SLC17A8: variants seen among roughly 807,000 people sequenced by gnomAD.
The protein encoded by SLC17A8 is solute carrier family 17 member 8.
In SLC17A8, 31 loss-of-function variants were observed where a neutral mutation model predicts 58.0. That is an observed-to-expected ratio of 0.53 (90% CI 0.40 to 0.72). The LOEUF (loss-of-function observed/expected upper bound fraction) is 0.72. Ranked by LOEUF, SLC17A8 falls within the 30% of genes least tolerant of loss-of-function variation. The pLI, the probability that SLC17A8 is intolerant of heterozygous loss-of-function variation, is 0.00. For synonymous variants in SLC17A8, 228 were observed against 249.0 expected, an observed-to-expected ratio of 0.92 and a Z score of 0.79; for missense variants, 655 against 727.8, an observed-to-expected ratio of 0.90 and a Z score of 1.15.
At position 100,420,582 on chromosome 12, in the gene SLC17A8, C is replaced by T. The variant is rs528559373; in HGVS notation, c.*423C>T. ...GGCTTCATATTCCCAATAAACCCCA[C>T]GTTGTGGCAGGTGCTTTATAAACAC... On this transcript the variant is annotated 3_prime_UTR_variant, in exon 12 of 12. Transcript: ENST00000323346. 1.7e-5 allele frequency: 3 copies of T among 176,872 alleles called. No individual in the cohort carries two copies. Among genetic ancestry groups the T allele is most frequent in the South Asian group, 1.3e-4 (1 of 7,764 alleles). The allele number at this position is 176,872 out of a possible 1,614,324, so 11.0% of individuals were successfully genotyped here.
chr12:100,360,643 A>G (rs1273042044), intron 1 of SLC17A8, among the ~76,000 whole-genome samples: 3 of 152,236 alleles, frequency 2.0e-5, no homozygotes, highest in Admixed American at 1.3e-4. Context: ...GAGGTTAAGT[A>G]GCTTGCCCAA....
intron 1 of SLC17A8, among the ~76,000 whole-genome samples, chr12:100,369,899 A>G (rs1299640582): frequency 6.6e-6 from 1 of 152,222 alleles, no homozygotes; most frequent in African/African-American, 2.4e-5. Flanking sequence ...GTGCAAGTAT[A>G]ACGTTAAATG....
chr12:100,414,469 A>G (rs940962417), intron 10 of SLC17A8, among the ~76,000 whole-genome samples: 2 of 152,228 alleles, frequency 1.3e-5, no homozygotes, highest in Non-Finnish European at 2.9e-5. Context: ...AAAATTTGCT[A>G]AATTATGAAA....
At chr12:100,386,981 G>C (rs1348109581) in intron 2 of SLC17A8, among the ~76,000 whole-genome samples, 1 of 152,168 alleles carries the variant, frequency 6.6e-6, no homozygotes, top group Non-Finnish European at 1.5e-5. Flanking sequence ...GAGCCACTGC[G>C]CCCAGCCACA....
intron 5 of SLC17A8, among the ~76,000 whole-genome samples, chr12:100,398,560 C>T (rs1041343588): frequency 3.3e-5 from 5 of 152,302 alleles, no homozygotes; most frequent in African/African-American, 1.2e-4. Context: ...GGACACAGGC[C>T]TCATTACATG....
At chr12:100,367,749 C>T (rs1326940956) in intron 1 of SLC17A8, among the ~76,000 whole-genome samples, 3 of 152,014 alleles carry the variant, frequency 2.0e-5, no homozygotes, top group Non-Finnish European at 4.4e-5. Flanking sequence ...ACGAAGGTCT[C>T]GCTATGTTGC....
At chr12:100,374,742 C>G (rs547104609) in intron 1 of SLC17A8, among the ~76,000 whole-genome samples, 2 of 152,312 alleles carry the variant, frequency 1.3e-5, no homozygotes, top group South Asian at 2.1e-4. Context: ...ACAAACAACT[C>G]AGGAGGTCCT....
At chr12:100,377,458 G>T (rs1952601945) in intron 1 of SLC17A8, among the ~76,000 whole-genome samples, 1 of 151,412 alleles carries the variant, frequency 6.6e-6, no homozygotes, top group African/African-American at 2.4e-5. Flanking sequence ...TAAGTAATTA[G>T]GCTAAAGTCA....
chr12:100,401,090 C>T (rs770771109), intron 5 of SLC17A8, among the ~76,000 whole-genome samples: 95 of 150,074 alleles, frequency 6.3e-4, no homozygotes, highest in Non-Finnish European at 1.2e-3. Context: ...CTCCGCCTCA[C>T]GGGTTCAAGC....
At position 100,387,808 on chromosome 12, in the gene SLC17A8, C is replaced by T. The variant is rs141884729; in HGVS notation, c.355-3193C>T. The stretch of plus-strand genomic sequence containing the variant: ...AGTTGTATGACCTTGGACAAGTAAA[C>T]TAATCTCTCTAAGCCTTAGTTTCCT... On this transcript the variant is annotated intron_variant, in intron 2 of 11. Transcript: ENST00000323346. Among the ~76,000 whole-genome samples, 201 of 152,320 alleles carry T rather than the reference C, an allele frequency of 1.3e-3. No homozygotes were observed. In the East Asian group the frequency reaches 0.016, roughly 12 times the overall value.
intron 10 of SLC17A8, among the ~76,000 whole-genome samples, chr12:100,417,049 G>A (rs1952911123): frequency 6.6e-6 from 1 of 152,192 alleles, no homozygotes; most frequent in Non-Finnish European, 1.5e-5. Context: ...GGGATTACAG[G>A]CATGTGCCAC....
chr12:100,419,861 A>G lies in SLC17A8; in HGVS notation c.1472A>G (p.His491Arg). Reference protein sequence around the residue: ...QNVFLIAALVHYSGVIFYGVF... With the variant: ...QNVFLIAALVRYSGVIFYGVF... Reference sequence around the variant, plus strand: ...GTGTTCCTCATAGCTGCCCTGGTGCATTACAGTGGTGTGATCTTCTATGGG... The same window carrying G: ...GTGTTCCTCATAGCTGCCCTGGTGCGTTACAGTGGTGTGATCTTCTATGGG... The change falls in exon 12 of 12, where the codon CAT becomes CGT. Residue 491 changes from histidine to arginine, a missense_variant. His to Arg is a conservative substitution (Grantham distance 29). Transcript: ENST00000323346. 1.2e-6 allele frequency: 2 copies of G among 1,614,066 alleles called. No individual in the cohort carries two copies. Among genetic ancestry groups the G allele is most frequent in the African/African-American group, 1.3e-5 (1 of 75,054 alleles).
At chr12:100,373,609 G>C (rs1952574068) in intron 1 of SLC17A8, among the ~76,000 whole-genome samples, 1 of 123,082 alleles carries the variant, frequency 8.1e-6, no homozygotes, top group South Asian at 2.7e-4. Flanking sequence ...TTCCGAGACA[G>C]AGTCTCGCTC....
At chr12:100,411,114 G>A (rs1334087516) in intron 9 of SLC17A8, among the ~76,000 whole-genome samples, 1 of 152,210 alleles carries the variant, frequency 6.6e-6, no homozygotes, top group African/African-American at 2.4e-5. Flanking sequence ...GGAGAAGAAA[G>A]CACGTGGTGG....
intron 11 of SLC17A8, among the ~76,000 whole-genome samples, 170 bp downstream of exon 11, chr12:100,418,326 G>A (rs1010630762): frequency 1.3e-5 from 2 of 151,096 alleles, no homozygotes; most frequent in African/African-American, 4.9e-5. Flanking sequence ...TCAAATCATT[G>A]CTTATCAATG....
intron 5 of SLC17A8, among the ~76,000 whole-genome samples, chr12:100,398,188 G>T (rs1263557377): frequency 1.3e-5 from 2 of 152,082 alleles, no homozygotes; most frequent in Admixed American, 6.6e-5. Context: ...GGTATTCACC[G>T]CTATGCCTAC....
intron 5 of SLC17A8, among the ~76,000 whole-genome samples, chr12:100,400,591 T>G (rs1330916664): frequency 6.6e-6 from 1 of 152,140 alleles, no homozygotes; most frequent in Non-Finnish European, 1.5e-5. Flanking sequence ...TTAATCTATT[T>G]CTCTGGAAGA....
chr12:100,371,489 G>A (rs1388240512), intron 1 of SLC17A8, among the ~76,000 whole-genome samples: 2 of 152,206 alleles, frequency 1.3e-5, no homozygotes, highest in Non-Finnish European at 2.9e-5. Context: ...GCAAATCTCA[G>A]TTGTGTTCTC....
Position 100,415,064 on chromosome 12 carries a change from G to A in SLC17A8, c.1297+2184G>A, listed in dbSNP as rs140733474. Among the ~76,000 whole-genome samples, 5 of 152,302 alleles carry A rather than the reference G, an allele frequency of 3.3e-5. No homozygotes were observed. In the East Asian group the frequency reaches 7.7e-4, roughly 23 times the overall value. Reference sequence around the variant, plus strand: ...TTCCCAGAGATACTGAAATGTTCAAGTTCATATTGCTTCCTTTCCCCCGAT... The same window carrying A: ...TTCCCAGAGATACTGAAATGTTCAAATTCATATTGCTTCCTTTCCCCCGAT... On this transcript the variant is annotated intron_variant, in intron 10 of 11. Transcript: ENST00000323346.
Sources: allele counts gnomAD v4.1 joint callset (sites outside exome capture counted in the v4.1 genomes callset), GRCh38; gene constraint gnomAD v4.1.1; transcripts MANE v1.5; gene names NCBI Gene and HGNC (gene_info 2026-07-23, HGNC 2026-07-21).